The following NEDD4L variants were observed in gnomAD, a reference collection of about 807,000 sequenced individuals.
NEDD4L encodes E3 ubiquitin-protein ligase NEDD4-like.
Under a neutral mutation model 148.9 loss-of-function variants are expected in NEDD4L, and 54 were observed. That is an observed-to-expected ratio of 0.36 (90% confidence interval 0.29 to 0.45). The LOEUF (loss-of-function observed/expected upper bound fraction) is 0.45, where lower values mean the gene tolerates loss of function less well. Ranked by LOEUF, NEDD4L falls within the 20% of genes least tolerant of loss-of-function variation. The probability of loss-of-function intolerance (pLI) is 1.00; values close to 1 mark genes in which losing one functional copy is unlikely to be tolerated. For synonymous variants in NEDD4L, 433 were observed against 440.7 expected, an observed-to-expected ratio of 0.98 and a Z score of 0.22; for missense variants, 856 against 1,233.8, an observed-to-expected ratio of 0.69 and a Z score of 4.59.
chr18:58,282,336 C>G (rs2053266949), intron 5 of NEDD4L, among the ~76,000 whole-genome samples: 1 of 152,018 alleles, frequency 6.6e-6, no homozygotes, highest in South Asian at 2.1e-4. Flanking sequence ...AGGGAGGGAT[C>G]GAATTACTCC....
intron 24 of NEDD4L, among the ~76,000 whole-genome samples, chr18:58,380,420 G>A (rs2048195056): frequency 6.6e-6 from 1 of 151,862 alleles, no homozygotes; most frequent in Non-Finnish European, 1.5e-5. Context: ...CTGGGTTCAA[G>A]CGATTCTCCT....
intron 1 of NEDD4L, among the ~76,000 whole-genome samples, chr18:58,070,808 A>G (rs1323570441): frequency 6.6e-6 from 1 of 151,596 alleles, no homozygotes; most frequent in Non-Finnish European, 1.5e-5. Flanking sequence ...GAACCACTAA[A>G]CTAAGAGTCT....
rs1213462641 is a variant in NEDD4L at position 58,396,191 on chromosome 18, A to G, written c.2850A>G (p.Pro950=). ...HTCFNRLDLP[P]YETFEDLREK... ...GCTTTAATCGCCTTGACTTACCTCC[A>G]TATGAAACCTTTGAAGATTTACGAG... The change falls in exon 31 of 31, where the codon CCA becomes CCG. Residue 950 remains proline, a synonymous_variant. Coordinates refer to ENST00000400345, the MANE Select transcript of NEDD4L (RefSeq NM_001144967.3). 5.0e-6 allele frequency: 8 copies of G among 1,613,352 alleles called. No homozygotes were observed. The highest frequency in any genetic ancestry group is 2.7e-5 in the African/African-American group (2 of 74,898).
At chr18:58,152,572 G>T (rs1260426811) in intron 1 of NEDD4L, among the ~76,000 whole-genome samples, 1 of 152,212 alleles carries the variant, frequency 6.6e-6, no homozygotes, top group Non-Finnish European at 1.5e-5. Context: ...CGTGATACTT[G>T]TTTGTTTGAA....
At chr18:58,082,102 A>ATATATATATATATT in intron 1 of NEDD4L, among the ~76,000 whole-genome samples, 2 of 48,832 alleles carry the variant, frequency 4.1e-5, no homozygotes, top group Non-Finnish European at 3.1e-5. Flanking sequence ...ATATATATAT[A>ATATATATATATATT]TTTTTTTTTT....
chr18:58,397,239 T>C lies in NEDD4L; in HGVS notation c.*970T>C, dbSNP rs2050553161. 6.6e-6 allele frequency: 1 copy of C among 152,666 alleles called. No homozygotes were observed. The highest frequency in any genetic ancestry group is 2.1e-4 in the South Asian group (1 of 4,826). The allele number at this position is 152,666 out of a possible 1,614,324, so 9.5% of individuals were successfully genotyped here. ...CAAAACTGTGGAAACCAGATCTGTT[T>C]AGTCTCCTGTTTGTATGCGTTTGCT... On this transcript the variant is annotated 3_prime_UTR_variant, in exon 31 of 31. Coordinates refer to ENST00000400345, the MANE Select transcript of NEDD4L (RefSeq NM_001144967.3).
At chr18:58,210,538 T>G (rs1000444820) in intron 2 of NEDD4L, among the ~76,000 whole-genome samples, 1 of 152,180 alleles carries the variant, frequency 6.6e-6, no homozygotes, top group Admixed American at 6.5e-5. Context: ...AACCTCCGCC[T>G]CCCAGGTTCA....
intron 24 of NEDD4L, among the ~76,000 whole-genome samples, chr18:58,375,426 A>G (rs185931148): frequency 3.9e-5 from 6 of 152,054 alleles, no homozygotes; most frequent in African/African-American, 1.4e-4. Flanking sequence ...CTACTTGGCC[A>G]TCTTGTGACC....
chr18:58,138,172 T>G (rs1387225997), intron 1 of NEDD4L, among the ~76,000 whole-genome samples: 1 of 152,348 alleles, frequency 6.6e-6, no homozygotes, highest in South Asian at 2.1e-4. Flanking sequence ...TGGTGCTACT[T>G]TCTTCTAACC....
intron 5 of NEDD4L, among the ~76,000 whole-genome samples, chr18:58,287,925 G>A (rs1475301162): frequency 2.0e-5 from 3 of 152,172 alleles, no homozygotes; most frequent in African/African-American, 4.8e-5. Flanking sequence ...CAGCAATAAT[G>A]ATAATCAGTC....
chr18:58,344,003 CAG>C (rs2042752179), intron 16 of NEDD4L, among the ~76,000 whole-genome samples: 1 of 152,158 alleles, frequency 6.6e-6, no homozygotes, highest in Non-Finnish European at 1.5e-5. Flanking sequence ...AGAGTTAACT[CAG>C]AGTTTAACTT....
chr18:58,068,894 T>C (rs973211950), intron 1 of NEDD4L, among the ~76,000 whole-genome samples: 2 of 152,134 alleles, frequency 1.3e-5, no homozygotes, highest in Non-Finnish European at 2.9e-5. Context: ...CCCAGCACTT[T>C]GGGAGGCTGA....
At position 58,335,510 on chromosome 18, in the gene NEDD4L, A is replaced by C; in HGVS notation, c.1098A>C (p.Ser366=). The C allele has an allele frequency of 1.2e-6, 2 of 1,613,802 alleles. No individual in the cohort carries two copies. Among genetic ancestry groups the C allele is most frequent in the Admixed American group, 1.7e-5 (1 of 60,028 alleles). Reference sequence around the variant, plus strand: ...CCCCAGCTGGGAGAGCGCGTTCATCAACTGTCACGGGTGGTGAGGAACCAA... The same window carrying C: ...CCCCAGCTGGGAGAGCGCGTTCATCCACTGTCACGGGTGGTGAGGAACCAA... ...PSAPAGRARS[S]TVTGGEEPTP... is the part of the protein sequence containing the mutation. Residue 366 remains serine (S), a synonymous_variant, in exon 13 of 31, where the codon TCA becomes TCC. Coordinates refer to ENST00000400345, the MANE Select transcript of NEDD4L (RefSeq NM_001144967.3).
chr18:58,150,505 C>T (rs961764571), intron 1 of NEDD4L, among the ~76,000 whole-genome samples: 2 of 152,216 alleles, frequency 1.3e-5, no homozygotes, highest in African/African-American at 2.4e-5. Context: ...GGATTACAGG[C>T]GTGAGCCACT....
At chr18:58,064,609 A>G (rs2082508427) in intron 1 of NEDD4L, among the ~76,000 whole-genome samples, 1 of 152,164 alleles carries the variant, frequency 6.6e-6, no homozygotes, top group South Asian at 2.1e-4. Flanking sequence ...TCTTTGACCT[A>G]CAGTTATGTT....
chr18:58,325,187 ACACGTG>A (rs1248838125), intron 9 of NEDD4L, 25 bp downstream of exon 9: 2 of 1,612,700 alleles, frequency 1.2e-6, no homozygotes, highest in Admixed American at 3.3e-5. Flanking sequence ...ATGGTCAGGA[ACACGTG>A]CACGTGCACT....
chr18:58,317,552 T>A (rs986627799), intron 6 of NEDD4L, among the ~76,000 whole-genome samples: 1 of 152,234 alleles, frequency 6.6e-6, no homozygotes, highest in African/African-American at 2.4e-5. Context: ...AGTGACATGT[T>A]TAAAAACCTT....
intron 19 of NEDD4L, 57 bp downstream of exon 19, chr18:58,357,309 G>A: frequency 1.4e-6 from 2 of 1,404,752 alleles, no homozygotes; most frequent in African/African-American, 1.4e-5. Flanking sequence ...GTGTTTACGT[G>A]TTTCTTGTGT....
chr18:58,370,398 T>C lies in NEDD4L; in HGVS notation c.2187T>C (p.Gly729=). The part of the protein sequence containing the change: ...LAVFHGKLLD[G]FFIRPFYKMM... ...AACCCAGTGTTTACCGTGTTTTAGG[T>C]TTCTTCATTAGACCATTTTACAAGA... Residue 729 remains glycine, a splice_region_variant and synonymous_variant, in exon 23 of 31, where the codon GGT becomes GGC. Coordinates refer to ENST00000400345, the MANE Select transcript of NEDD4L (RefSeq NM_001144967.3). The C allele has an allele frequency of 2.5e-6, 4 of 1,603,408 alleles. No homozygotes were observed. The highest frequency in any genetic ancestry group is 1.7e-6 in the Non-Finnish European group (2 of 1,170,222).
Sources: allele counts gnomAD v4.1 joint callset (sites outside exome capture counted in the v4.1 genomes callset), GRCh38; gene constraint gnomAD v4.1.1; transcripts MANE v1.5; gene names NCBI Gene and HGNC (gene_info 2026-07-23, HGNC 2026-07-21).